Variants in NLGN4Y observed in about 807,000 individuals in gnomAD.
NLGN4Y encodes neuroligin-4, Y-linked.
A neutral mutation model predicts 8.4 loss-of-function variants in NLGN4Y; 4 were observed. That is an observed-to-expected ratio of 0.48 (90% CI 0.23 to 1.09). The LOEUF (loss-of-function observed/expected upper bound fraction) is 1.09, where lower values mean the gene tolerates loss of function less well. Ranked by LOEUF, NLGN4Y falls within the 50% of genes least tolerant of loss-of-function variation. The pLI is 0.19. For missense variants in NLGN4Y, 90 were observed against 192.3 expected, an observed-to-expected ratio of 0.47 and a Z score of 3.15; for synonymous variants, 35 against 75.6, an observed-to-expected ratio of 0.46 and a Z score of 2.78.
chrY:14,822,604 C>T, intron 4 of NLGN4Y, among the ~76,000 whole-genome samples: 2 of 34,112 alleles, frequency 5.9e-5, no homozygotes, highest in South Asian at 1.3e-3. Flanking sequence ...AATTACCTCT[C>T]TCTTTAATAG....
intron 4 of NLGN4Y, among the ~76,000 whole-genome samples, chrY:14,804,414 G>C: frequency 6.1e-5 from 2 of 32,928 alleles, no homozygotes; most frequent in African/African-American, 1.2e-4. Flanking sequence ...TTTTCAGAGA[G>C]GCTTTGTTTA....
intron 1 of NLGN4Y, among the ~76,000 whole-genome samples, chrY:14,551,868 AG>A (rs2080194263): frequency 3.0e-5 from 1 of 33,642 alleles, no homozygotes; most frequent in African/African-American, 1.2e-4. Flanking sequence ...CACAGTTGAA[AG>A]AACTGGAAAA....
intron 2 of NLGN4Y, among the ~76,000 whole-genome samples, chrY:14,669,532 A>T (rs2150527132): frequency 3.0e-5 from 1 of 33,687 alleles, no homozygotes; most frequent in East Asian, 7.7e-4. Context: ...TAGCTATGGT[A>T]CTTGGATGAA....
At chrY:14,832,236 G>T (rs1603504462) in intron 6 of NLGN4Y, among the ~76,000 whole-genome samples, 8 of 34,206 alleles carry the variant, frequency 2.3e-4, no homozygotes, top group Non-Finnish European at 3.6e-4. Flanking sequence ...TGTTTGTTTG[G>T]TTGGTTGGTT....
chrY:14,657,722 G>T (rs1603502232), intron 2 of NLGN4Y, among the ~76,000 whole-genome samples: 7 of 13,936 alleles, frequency 5.0e-4, no homozygotes, highest in Admixed American at 3.2e-3. Flanking sequence ...TATTCCCCCC[G>T]GAGGGCAGAG....
chrY:14,769,703 A>G (rs2081101683), intron 4 of NLGN4Y, among the ~76,000 whole-genome samples: 1 of 32,290 alleles, frequency 3.1e-5, no homozygotes, highest in African/African-American at 1.2e-4. Flanking sequence ...AGACAGAACC[A>G]TTTACTCTCC....
intron 2 of NLGN4Y, among the ~76,000 whole-genome samples, chrY:14,647,672 A>G (rs2080615705): frequency 2.9e-5 from 1 of 34,051 alleles, no homozygotes. Flanking sequence ...GTTCTTTTAT[A>G]TACAGTTGGC....
intron 4 of NLGN4Y, chrY:14,733,678 A>T: frequency 9.6e-6 from 1 of 104,306 alleles, no homozygotes; most frequent in Non-Finnish European, 1.8e-5. Flanking sequence ...CATGGGTGGG[A>T]ACTGGAGTGC....
At chrY:14,717,056 C>A (rs2150552692) in intron 2 of NLGN4Y, among the ~76,000 whole-genome samples, 1 of 33,485 alleles carries the variant, frequency 3.0e-5, no homozygotes, top group South Asian at 6.8e-4. Flanking sequence ...TTCACACCAT[C>A]CCGGACAATA....
At chrY:14,718,660 G>C (rs2080924291) in intron 2 of NLGN4Y, among the ~76,000 whole-genome samples, 1 of 33,326 alleles carries the variant, frequency 3.0e-5, no homozygotes. Context: ...GAGGTGATCA[G>C]GTAGGTGACT....
chrY:14,835,091 C>T (rs2043192462), intron 6 of NLGN4Y, among the ~76,000 whole-genome samples: 1 of 33,484 alleles, frequency 3.0e-5, no homozygotes, highest in African/African-American at 1.2e-4. Context: ...CTCCTGATGA[C>T]AAATGTTTGT....
At chrY:14,607,899 T>G in intron 1 of NLGN4Y, among the ~76,000 whole-genome samples, 1 of 34,379 alleles carries the variant, frequency 2.9e-5, no homozygotes, top group Non-Finnish European at 7.3e-5. Context: ...TTCCTGACTT[T>G]GAATGATTGC....
intron 1 of NLGN4Y, among the ~76,000 whole-genome samples, chrY:14,566,959 G>C (rs2080254036): frequency 3.0e-5 from 1 of 33,356 alleles, no homozygotes; most frequent in Non-Finnish European, 7.4e-5. Context: ...TAGAACTCAG[G>C]ATTAAGAAAC....
At chrY:14,815,057 G>A (rs931804350) in intron 4 of NLGN4Y, among the ~76,000 whole-genome samples, 8 of 32,819 alleles carry the variant, frequency 2.4e-4, no homozygotes, top group Non-Finnish European at 5.2e-4. Context: ...GGAGGCAGAC[G>A]TAGGTTCAAG....
intron 4 of NLGN4Y, among the ~76,000 whole-genome samples, chrY:14,731,499 A>G: frequency 3.0e-5 from 1 of 32,913 alleles, no homozygotes; most frequent in African/African-American, 1.2e-4. Flanking sequence ...ATTCATTTCC[A>G]CATTTTATTA....
chrY:14,575,853 A>C (rs1044244982), intron 1 of NLGN4Y, among the ~76,000 whole-genome samples: 2 of 33,197 alleles, frequency 6.0e-5, no homozygotes, highest in Admixed American at 5.5e-4. Flanking sequence ...CTGGAGGTCC[A>C]CTCCAGACCC....
intron 1 of NLGN4Y, among the ~76,000 whole-genome samples, chrY:14,563,274 C>G: frequency 6.0e-5 from 2 of 33,362 alleles, no homozygotes; most frequent in African/African-American, 1.2e-4. Context: ...TTTTTTGAAG[C>G]CTTTTTCTGC....
chrY:14,586,410 G>T (rs1049168552), intron 1 of NLGN4Y, among the ~76,000 whole-genome samples: 8 of 33,358 alleles, frequency 2.4e-4, no homozygotes, highest in African/African-American at 8.2e-4. Flanking sequence ...CTCTAGCCAG[G>T]GTTGTGAAAA....
At position 14,573,682 on chromosome Y, in the gene NLGN4Y, T is replaced by A. The variant is rs757997996; in HGVS notation, c.-111-48327T>A. 3.3e-4 allele frequency among the ~76,000 whole-genome samples: 11 copies of A among 33,596 alleles called. No homozygotes were observed. In the East Asian group the frequency reaches 8.6e-3, roughly 26 times the overall value. 90.1% of individuals were successfully genotyped at this position (33,596 alleles called of 37,273 possible). ...CTTGCTTTTGTAGTTCTTTTAATTGTGATGTTAGGGTGTCAATTTTAGATT... is the reference window on the plus strand; with the variant it reads ...CTTGCTTTTGTAGTTCTTTTAATTGAGATGTTAGGGTGTCAATTTTAGATT... On this transcript the variant is annotated intron_variant, in intron 1 of 6. Transcript: ENST00000684976.
Sources: allele counts gnomAD v4.1 joint callset (sites outside exome capture counted in the v4.1 genomes callset), GRCh38; gene constraint gnomAD v4.1.1; transcripts MANE v1.5; gene names NCBI Gene and HGNC (gene_info 2026-07-23, HGNC 2026-07-21).